Variants in TEX14 observed in about 807,000 individuals in gnomAD.
The protein encoded by TEX14 is testis expressed 14, intercellular bridge forming factor, also known as inactive serine/threonine-protein kinase TEX14.
In TEX14, 168 loss-of-function variants were observed where a neutral mutation model predicts 178.6. The ratio of observed to expected loss-of-function variants is 0.94; its 90% confidence interval spans 0.83 to 1.07. TEX14 has a LOEUF of 1.07. TEX14 is among the 50% of genes least tolerant of loss of function. The pLI, the probability that TEX14 is intolerant of heterozygous loss-of-function variation, is 0.00. For synonymous variants in TEX14, 626 were observed against 634.1 expected, an observed-to-expected ratio of 0.99 and a Z score of 0.19; for missense variants, 1,730 against 1,753.6, an observed-to-expected ratio of 0.99 and a Z score of 0.24.
chr17:58,660,258 G>A (rs920618717), intron 1 of TEX14, among the ~76,000 whole-genome samples: 5 of 151,376 alleles, frequency 3.3e-5, no homozygotes, highest in African/African-American at 4.8e-5. Context: ...AATATTAGCT[G>A]GGCGTGGTGG....
In TEX14 at chr17:58,600,543, A is replaced by C. The variant is rs1375821462; in HGVS notation, c.1679-877T>G. Among the ~76,000 whole-genome samples the C allele has an allele frequency of 2.0e-5, 3 of 149,854 alleles. No individual in the cohort carries two copies. The East Asian group carries it at 5.9e-4, about 29-fold the overall frequency. ...GCCATTGCACTCCAGTCTGGGCAAA[A>C]AGAGTGAAACTGTCTCAAAAAAAAA... On this transcript the variant is annotated intron_variant, in intron 13 of 31. Transcript: ENST00000349033.
intron 5 of TEX14, among the ~76,000 whole-genome samples, chr17:58,619,583 G>C (rs1057446315): frequency 6.6e-6 from 1 of 152,096 alleles, no homozygotes; most frequent in Admixed American, 6.6e-5. Context: ...AGAGGCAGGC[G>C]GATCACCTGA....
chr17:58,572,596 C>T lies in TEX14; in HGVS notation c.3512-470G>A, dbSNP rs550441097. Among the ~76,000 whole-genome samples the T allele has an allele frequency of 3.2e-3, 484 of 150,222 alleles. 5 individuals are homozygous for T. The highest frequency in any genetic ancestry group is 0.011 in the African/African-American group (463 of 40,744). ...GCAGTGAGCCGAGATTGCGCCACTG[C>T]ACTCCGGCCTGGGCAACAGAGTGAG... On this transcript the variant is annotated intron_variant, in intron 23 of 31. Coordinates refer to ENST00000349033, the MANE Select transcript of TEX14 (RefSeq NM_031272.5).
rs2044585619 is a variant in TEX14 at position 58,573,285 on chromosome 17, A to G, written c.3407T>C (p.Leu1136Pro). 2.5e-6 allele frequency: 4 copies of G among 1,613,842 alleles called. No individual in the cohort carries two copies. In the East Asian group the frequency reaches 6.7e-5, roughly 27 times the overall value. ...KDISLTDIQD[L>P]SSISYEPDSS... ...GTCTGGTTCATAGGAGATACTAGAC[A>G]GGTCTTGAATATCCGTCAATGATCT... The change falls in exon 23 of 32, where the codon CTG becomes CCG. Residue 1136 changes from leucine to proline, a missense_variant. Leu to Pro is a moderately conservative substitution (Grantham distance 98). Coordinates refer to ENST00000349033, the MANE Select transcript of TEX14 (RefSeq NM_031272.5).
intron 28 of TEX14, among the ~76,000 whole-genome samples, chr17:58,563,925 G>A (rs1353877486): frequency 6.6e-6 from 1 of 151,154 alleles, no homozygotes; most frequent in Non-Finnish European, 1.5e-5. Context: ...TTAATCATTA[G>A]GGAAGGGAAA....
At chr17:58,647,250 C>T (rs373890120) in intron 2 of TEX14, among the ~76,000 whole-genome samples, 3 of 149,726 alleles carry the variant, frequency 2.0e-5, no homozygotes, top group African/African-American at 7.3e-5. Flanking sequence ...CAGCCCAGCG[C>T]GGTGGCTCAC....
chr17:58,604,204 G>A (rs2045550170), intron 11 of TEX14, among the ~76,000 whole-genome samples: 1 of 151,744 alleles, frequency 6.6e-6, no homozygotes, highest in South Asian at 2.1e-4. Context: ...CGGGCGTGGT[G>A]GCTCACACCT....
Position 58,616,190 on chromosome 17 carries a change from T to G in TEX14, c.752A>C (p.Tyr251Ser). The change falls in exon 7 of 32, where the codon TAC (tyrosine) becomes TCC (serine). Residue 251 changes from tyrosine to serine, a missense_variant. By Grantham distance (144) the Tyr-to-Ser change is moderately radical. This residue lies in a region of TEX14 where 789 missense variants were observed against 681.2 expected (regional missense o/e 1.16). Transcript: ENST00000349033. ...EPTFSFFSGP[Y>S]MVMTNLVWNG... is the part of the protein sequence containing the mutation. ...CCCCACTTACTTGGTCATGACCATGTAGGGGCCGCTGAAGAAAGAGAAGGT... is the reference window on the plus strand; with the variant it reads ...CCCCACTTACTTGGTCATGACCATGGAGGGGCCGCTGAAGAAAGAGAAGGT... 1 of 1,613,796 alleles carries G rather than the reference T, an allele frequency of 6.2e-7. No homozygotes were observed. Among genetic ancestry groups the G allele is most frequent in the Non-Finnish European group, 8.5e-7 (1 of 1,179,860 alleles).
At chr17:58,631,625 A>T (rs1598402334) in intron 2 of TEX14, 1 of 151,916 alleles carries the variant, frequency 6.6e-6, no homozygotes, top group East Asian at 1.9e-4. Context: ...ACATCTGAAA[A>T]AAAAAAAAAC....
At chr17:58,686,861 CTTTTTTTTTTTTT>C (rs71143271) in intron 1 of TEX14, among the ~76,000 whole-genome samples, 84 of 71,536 alleles carry the variant, frequency 1.2e-3, no homozygotes, top group African/African-American at 4.6e-3. Flanking sequence ...GAAAGGTCAC[CTTTTTTTTTTTTT>C]TTTTTTTTTT....
intron 3 of TEX14, among the ~76,000 whole-genome samples, chr17:58,629,323 G>A (rs1323255043): frequency 6.6e-6 from 1 of 151,802 alleles, no homozygotes; most frequent in Non-Finnish European, 1.5e-5. Flanking sequence ...GCCTGGTGGT[G>A]CCCACTTGTA....
At chr17:58,652,228 A>T (rs2046854272) in intron 1 of TEX14, among the ~76,000 whole-genome samples, 2 of 149,798 alleles carry the variant, frequency 1.3e-5, no homozygotes, top group African/African-American at 2.4e-5. Context: ...AGAGACAAGT[A>T]AAAAATATAT....
intron 15 of TEX14, among the ~76,000 whole-genome samples, chr17:58,592,369 C>T (rs528894790): frequency 1.3e-5 from 2 of 149,420 alleles, no homozygotes; most frequent in African/African-American, 4.9e-5. Context: ...GAGTCTTGCT[C>T]TATCGCCCAG....
At chr17:58,604,662 G>A (rs1157610223) in intron 11 of TEX14, among the ~76,000 whole-genome samples, 1 of 150,728 alleles carries the variant, frequency 6.6e-6, no homozygotes, top group Non-Finnish European at 1.5e-5. Flanking sequence ...CCAGGTTCAA[G>A]TGATTTTCCT....
chr17:58,631,846 T>A (rs78090760), intron 2 of TEX14: 1 of 152,196 alleles, frequency 6.6e-6, no homozygotes, highest in African/African-American at 2.4e-5. Context: ...TAATGTCCAT[T>A]TATGTGCCTT....
intron 2 of TEX14, among the ~76,000 whole-genome samples, chr17:58,650,886 C>G (rs2046826074): frequency 6.6e-6 from 1 of 152,206 alleles, no homozygotes; most frequent in South Asian, 2.1e-4. Flanking sequence ...CCAGGTCACC[C>G]TGACTATTCC....
intron 1 of TEX14, among the ~76,000 whole-genome samples, chr17:58,671,035 T>G (rs2047297179): frequency 6.6e-6 from 1 of 152,114 alleles, no homozygotes; most frequent in Admixed American, 6.6e-5. Context: ...GAACTCTCAT[T>G]GCATTTATCT....
intron 29 of TEX14, among the ~76,000 whole-genome samples, chr17:58,560,093 G>A (rs144843231): frequency 6.6e-5 from 10 of 152,132 alleles, no homozygotes; most frequent in Middle Eastern, 3.4e-3. Flanking sequence ...CCATCCCCCC[G>A]ACCCAACTGG....
At chr17:58,626,396 T>A (rs1365626071) in intron 3 of TEX14, among the ~76,000 whole-genome samples, 1 of 148,962 alleles carries the variant, frequency 6.7e-6, no homozygotes, top group African/African-American at 2.5e-5. Context: ...TGAAACCCCG[T>A]CTCTACTAAA....
Sources: allele counts gnomAD v4.1 joint callset (sites outside exome capture counted in the v4.1 genomes callset), GRCh38; gene constraint gnomAD v4.1.1; regional missense constraint gnomAD v4.1.1; transcripts MANE v1.5; gene names NCBI Gene and HGNC (gene_info 2026-07-23, HGNC 2026-07-21).